PRKG1: variants seen among roughly 807,000 people sequenced by gnomAD.
The protein encoded by PRKG1 is protein kinase cGMP-dependent 1.
In PRKG1, 35 loss-of-function variants were observed where a neutral mutation model predicts 88.1. The ratio of observed to expected loss-of-function variants is 0.40; its 90% confidence interval spans 0.30 to 0.53. The LOEUF is 0.53. PRKG1 is among the 20% of genes least tolerant of loss of function. PRKG1 has a pLI of 0.59. For missense variants in PRKG1, 540 were observed against 839.8 expected, an observed-to-expected ratio of 0.64 and a Z score of 4.41; for synonymous variants, 303 against 292.5, an observed-to-expected ratio of 1.04 and a Z score of -0.37.
At position 51,074,668 on chromosome 10, in the gene PRKG1, C is replaced by CGAGCTG; in HGVS notation, c.88_93dup (p.Glu31_Leu32dup). ...TGAGGCAGCGGGATGCTCTCATCGA[C>CGAGCTG]GAGCTGGAGCTGGAGTTGGATCAGA... On this transcript the variant is annotated inframe_insertion, in exon 1 of 18. Transcript: ENST00000373980. 6.2e-7 allele frequency: 1 copy of CGAGCTG among 1,614,040 alleles called. No homozygotes were observed. The highest frequency in any genetic ancestry group is 8.5e-7 in the Non-Finnish European group (1 of 1,179,972).
intron 1 of PRKG1, among the ~76,000 whole-genome samples, chr10:51,145,664 T>C (rs1845927896): frequency 6.6e-6 from 1 of 152,172 alleles, no homozygotes; most frequent in African/African-American, 2.4e-5. Flanking sequence ...AATGGGAGAC[T>C]TTTAATATTG....
At chr10:52,079,147 CCTT>C (rs1443665185) in intron 7 of PRKG1, among the ~76,000 whole-genome samples, 1 of 152,234 alleles carries the variant, frequency 6.6e-6, no homozygotes, top group Non-Finnish European at 1.5e-5. Context: ...TCATAGCTCT[CCTT>C]CTTCATCTTT....
intron 3 of PRKG1, among the ~76,000 whole-genome samples, chr10:51,531,286 TA>T (rs1842009949): frequency 6.6e-6 from 1 of 152,330 alleles, no homozygotes; most frequent in South Asian, 2.1e-4. Flanking sequence ...GGAACTATGG[TA>T]ACTTTTTAAG....
intron 5 of PRKG1, among the ~76,000 whole-genome samples, chr10:51,955,698 C>G (rs1430133217): frequency 1.3e-5 from 2 of 152,052 alleles, no homozygotes; most frequent in Non-Finnish European, 2.9e-5. Flanking sequence ...TTCATGTTCT[C>G]TTAATGTTAA....
intron 7 of PRKG1, among the ~76,000 whole-genome samples, chr10:52,103,775 G>A (rs1024829946): frequency 1.1e-4 from 16 of 151,800 alleles, no homozygotes; most frequent in Admixed American, 2.0e-4. Flanking sequence ...TTTAATTAAG[G>A]AAGACTAAAT....
At chr10:52,021,420 C>A (rs960110974) in intron 5 of PRKG1, among the ~76,000 whole-genome samples, 2 of 152,106 alleles carry the variant, frequency 1.3e-5, no homozygotes, top group African/African-American at 4.8e-5. Flanking sequence ...CAGAAAATAT[C>A]TTTTGAATGA....
At chr10:51,051,147 A>C (rs1450196298) in intron 1 of PRKG1, among the ~76,000 whole-genome samples, 1 of 152,126 alleles carries the variant, frequency 6.6e-6, no homozygotes, top group Non-Finnish European at 1.5e-5. Context: ...TATGCTGTAC[A>C]GAAGGTATTC....
At chr10:51,012,185 GACATGATTGCAAGTGA>G (rs1431033909) in intron 1 of PRKG1, among the ~76,000 whole-genome samples, 4 of 152,206 alleles carry the variant, frequency 2.6e-5, no homozygotes, top group Non-Finnish European at 5.9e-5. Flanking sequence ...GTAGAAGGAA[GACATGATTGCAAGTGA>G]AAGAGTGGTG....
At chr10:51,074,478 A>C, upstream of PRKG1, 1 of 1,474,708 alleles carries the variant, frequency 6.8e-7, no homozygotes, top group Non-Finnish European at 9.0e-7. Context: ...TCAAGTAGGA[A>C]GCTTTGGCAC....
At position 52,209,124 on chromosome 10, in the gene PRKG1, G is replaced by T. The variant is rs183098520; in HGVS notation, c.1077-42446G>T. ...GCCATTAAGCTTCTCTTACTAAGAG[G>T]AATATTGCCCTGGAGTAGGGGGTCC... On this transcript the variant is annotated intron_variant, in intron 9 of 17. Transcript: ENST00000373980. Among the ~76,000 whole-genome samples the T allele has an allele frequency of 5.9e-5, 9 of 152,292 alleles. No individual in the cohort carries two copies. In the East Asian group the frequency reaches 1.5e-3, roughly 26 times the overall value.
chr10:52,084,272 C>T (rs1488186331), intron 7 of PRKG1, among the ~76,000 whole-genome samples: 10 of 151,998 alleles, frequency 6.6e-5, no homozygotes, highest in African/African-American at 7.2e-5. Context: ...AAACAAATAT[C>T]TGCTCAACTA....
intron 1 of PRKG1, among the ~76,000 whole-genome samples, chr10:51,089,625 A>G (rs1178731565): frequency 6.6e-6 from 1 of 152,220 alleles, no homozygotes; most frequent in African/African-American, 2.4e-5. Flanking sequence ...TCATATGCTT[A>G]TGTGAGTATC....
chr10:51,206,709 T>G (rs1051425068), intron 2 of PRKG1, among the ~76,000 whole-genome samples: 1 of 152,232 alleles, frequency 6.6e-6, no homozygotes, highest in East Asian at 1.9e-4. Context: ...TTGATCACTC[T>G]TGTGTGACTT....
intron 3 of PRKG1, among the ~76,000 whole-genome samples, chr10:51,797,297 T>A (rs1181756903): frequency 3.4e-5 from 5 of 148,948 alleles, no homozygotes; most frequent in Admixed American, 2.0e-4. Context: ...TTTATTGTAG[T>A]AAAATATATA....
chr10:51,773,702 A>C (rs1838363281), intron 3 of PRKG1, among the ~76,000 whole-genome samples: 1 of 152,280 alleles, frequency 6.6e-6, no homozygotes, highest in East Asian at 1.9e-4. Flanking sequence ...AAATATGCAT[A>C]TGTAAATCAC....
intron 1 of PRKG1, among the ~76,000 whole-genome samples, chr10:51,146,199 A>G (rs1845944910): frequency 1.3e-5 from 2 of 151,870 alleles, no homozygotes; most frequent in African/African-American, 4.8e-5. Flanking sequence ...AAAAAAAAAA[A>G]AGAAAAAAAT....
At chr10:51,667,612 C>G (rs76543476) in intron 3 of PRKG1, among the ~76,000 whole-genome samples, 1,860 of 152,286 alleles carry the variant, frequency 0.012, 19 homozygotes, top group Admixed American at 0.021. Flanking sequence ...ACTATAAACA[C>G]TCCTACTGAG....
chr10:51,420,546 G>A (rs1397389417), intron 2 of PRKG1, among the ~76,000 whole-genome samples: 3 of 152,102 alleles, frequency 2.0e-5, no homozygotes, highest in African/African-American at 4.8e-5. Flanking sequence ...AAATCCAGAG[G>A]TATCATCTAG....
At chr10:51,414,772 A>T (rs1303548941) in intron 2 of PRKG1, among the ~76,000 whole-genome samples, 2 of 152,184 alleles carry the variant, frequency 1.3e-5, no homozygotes, top group Non-Finnish European at 2.9e-5. Context: ...AGATTTTTTT[A>T]AAAAACAATA....
Sources: gnomAD v4.1 joint callset for allele counts (sites outside exome capture counted in the v4.1 genomes callset) on GRCh38, gnomAD v4.1.1 for gene constraint, MANE v1.5 for transcripts, NCBI Gene and HGNC (gene_info 2026-07-23, HGNC 2026-07-21) for gene names.